CHSY3: variants seen among roughly 807,000 people sequenced by gnomAD.
The protein encoded by CHSY3 is chondroitin sulfate synthase 3.
In CHSY3, 35 loss-of-function variants were observed where a neutral mutation model predicts 67.2. The ratio of observed to expected loss-of-function variants is 0.52; its 90% CI spans 0.40 to 0.69. The LOEUF is 0.69. Among genes scored for constraint, CHSY3 ranks in the 30% least tolerant of loss-of-function variants. The probability of loss-of-function intolerance (pLI) is 0.00; values close to 1 mark genes in which losing one functional copy is unlikely to be tolerated. For missense variants in CHSY3, 1,069 were observed against 1,138.5 expected (o/e 0.94, Z 0.88); for synonymous variants, 474 against 434.7 (o/e 1.09, Z -1.12).
At chr5:130,135,270 GTA>G (rs148761971) in intron 2 of CHSY3, among the ~76,000 whole-genome samples, 50 of 149,596 alleles carry the variant, frequency 3.3e-4, no homozygotes, top group African/African-American at 5.6e-4. Context: ...ATAAGTGTGT[GTA>G]TATATATATA....
intron 2 of CHSY3, among the ~76,000 whole-genome samples, chr5:129,938,760 T>G (rs1328244886): frequency 6.6e-6 from 1 of 152,214 alleles, no homozygotes; most frequent in Non-Finnish European, 1.5e-5. Context: ...AGACTGGGCT[T>G]CGTTGTCCAT....
At chr5:130,110,289 T>C (rs2149703358) in intron 2 of CHSY3, among the ~76,000 whole-genome samples, 1 of 151,980 alleles carries the variant, frequency 6.6e-6, no homozygotes, top group Non-Finnish European at 1.5e-5. Flanking sequence ...TTGCCTTTAG[T>C]CAAAATTTCA....
chr5:130,022,285 C>T (rs1443508147), intron 2 of CHSY3, among the ~76,000 whole-genome samples: 1 of 151,992 alleles, frequency 6.6e-6, no homozygotes, highest in Admixed American at 6.6e-5. Flanking sequence ...TATTCTGTAG[C>T]ATAGTTACGT....
chr5:130,084,085 T>C (rs1051036360), intron 2 of CHSY3, among the ~76,000 whole-genome samples: 1 of 152,024 alleles, frequency 6.6e-6, no homozygotes, highest in Non-Finnish European at 1.5e-5. Flanking sequence ...AAGTTTTCTG[T>C]CGTCTGAGGG....
chr5:130,096,736 TGCAGTTGAAAGCA>T (rs948920687), intron 2 of CHSY3, among the ~76,000 whole-genome samples: 2 of 152,166 alleles, frequency 1.3e-5, no homozygotes, highest in African/African-American at 4.8e-5. Flanking sequence ...AACCACCACC[TGCAGTTGAAAGCA>T]GTTGTACCAA....
intron 2 of CHSY3, among the ~76,000 whole-genome samples, chr5:130,036,109 T>C (rs1764856334): frequency 6.6e-6 from 1 of 152,096 alleles, no homozygotes; most frequent in African/African-American, 2.4e-5. Flanking sequence ...CATCTCAGTG[T>C]TGCTGAGCAC....
intron 2 of CHSY3, among the ~76,000 whole-genome samples, chr5:129,999,613 C>G (rs1763660404): frequency 6.6e-6 from 1 of 152,238 alleles, no homozygotes; most frequent in Admixed American, 6.5e-5. Flanking sequence ...TCCCTATAGT[C>G]TCATTTTGTC....
chr5:129,920,384 T>G (rs1760880424), intron 2 of CHSY3, among the ~76,000 whole-genome samples: 1 of 152,190 alleles, frequency 6.6e-6, no homozygotes, highest in Non-Finnish European at 1.5e-5. Flanking sequence ...TAGCTAAGAT[T>G]ACAGACATGC....
intron 2 of CHSY3, among the ~76,000 whole-genome samples, chr5:129,951,547 T>G (rs1422837663): frequency 6.6e-6 from 1 of 152,218 alleles, no homozygotes; most frequent in Non-Finnish European, 1.5e-5. Flanking sequence ...TGTATATCAA[T>G]ATGAGTAATA....
At chr5:130,160,893 T>TA (rs998734129) in intron 2 of CHSY3, among the ~76,000 whole-genome samples, 5 of 139,018 alleles carry the variant, frequency 3.6e-5, no homozygotes, top group Non-Finnish European at 6.0e-5. Context: ...ATTTATTTAT[T>TA]TATTTTTTTT....
At chr5:130,181,096 C>CT in intron 2 of CHSY3, among the ~76,000 whole-genome samples, 1 of 152,148 alleles carries the variant, frequency 6.6e-6, no homozygotes, top group East Asian at 1.9e-4. Flanking sequence ...GTGTGATACG[C>CT]TTAAAGCACT....
chr5:129,991,008 G>A (rs769808079), intron 2 of CHSY3, among the ~76,000 whole-genome samples: 52 of 152,066 alleles, frequency 3.4e-4, no homozygotes, highest in Admixed American at 3.1e-3. Context: ...GCCAGGAAAC[G>A]CATTTTAGAC....
chr5:130,045,200 T>TA (rs1221774654), intron 2 of CHSY3, among the ~76,000 whole-genome samples: 4 of 152,042 alleles, frequency 2.6e-5, no homozygotes, highest in Non-Finnish European at 5.9e-5. Context: ...ATGGGAAAAG[T>TA]AGAGTGAAAA....
At chr5:130,000,804 T>C (rs1763704462) in intron 2 of CHSY3, among the ~76,000 whole-genome samples, 1 of 136,806 alleles carries the variant, frequency 7.3e-6, no homozygotes, top group Non-Finnish European at 1.5e-5. Context: ...TCTGAACTCC[T>C]GGGCTTAAGT....
chr5:130,028,199 C>G (rs1580664295), intron 2 of CHSY3, among the ~76,000 whole-genome samples: 1 of 152,108 alleles, frequency 6.6e-6, no homozygotes, highest in East Asian at 1.9e-4. Flanking sequence ...AAAGAGCCCT[C>G]ATTGCCAAGA....
At chr5:130,126,843 CACATT>C (rs1768308920) in intron 2 of CHSY3, among the ~76,000 whole-genome samples, 1 of 152,164 alleles carries the variant, frequency 6.6e-6, no homozygotes, top group African/African-American at 2.4e-5. Context: ...ACTTTATGGT[CACATT>C]GTCATTGTTT....
At position 129,904,583 on chromosome 5, in the gene CHSY3, A is replaced by T; in HGVS notation, c.-247A>T. On this transcript the variant is annotated 5_prime_UTR_variant, in exon 1 of 3. Coordinates refer to ENST00000305031, the MANE Select transcript of CHSY3 (RefSeq NM_175856.5). ...CGCTGCCGCCACCGCCGCCGCCGGG[A>T]GAAGTTTCACTCCCGACCCTTGCTC... 2.1e-6 allele frequency: 1 copy of T among 474,218 alleles called. No homozygotes were observed. The highest frequency in any genetic ancestry group is 3.2e-6 in the Non-Finnish European group (1 of 312,980). 29.4% of individuals were successfully genotyped at this position (474,218 alleles called of 1,614,324 possible). A position where few individuals can be genotyped will look rare whatever the true frequency, so the allele number is the denominator to read the frequency against.
rs141140678 is a variant in CHSY3, at chr5:129,908,315, A to G, written c.1041A>G (p.Arg347=). ...YTTHEDVEVG[R]CVRRFGGTQC... The stretch of plus-strand genomic sequence containing the variant: ...CTCATGAGGATGTGGAAGTAGGAAG[A>G]TGCGTTCGCCGTTTTGGTGGGACTC... The change falls in exon 2 of 3, where the codon AGA becomes AGG. Residue 347 remains arginine (R), a synonymous_variant. Coordinates refer to ENST00000305031, the MANE Select transcript of CHSY3 (RefSeq NM_175856.5). 85 of 1,614,070 alleles carry G rather than the reference A, an allele frequency of 5.3e-5. No homozygotes were observed. The Admixed American group carries it at 5.3e-4, about 10-fold the overall frequency.
chr5:130,105,516 A>G (rs569671782), intron 2 of CHSY3, among the ~76,000 whole-genome samples: 1 of 151,840 alleles, frequency 6.6e-6, no homozygotes, highest in East Asian at 1.9e-4. Flanking sequence ...TTCTCAGAAC[A>G]AAGTGGCATG....
Sources: allele counts gnomAD v4.1 joint callset (sites outside exome capture counted in the v4.1 genomes callset), GRCh38; gene constraint gnomAD v4.1.1; transcripts MANE v1.5; gene names NCBI Gene and HGNC (gene_info 2026-07-23, HGNC 2026-07-21).